ERC2: variants seen among roughly 807,000 people sequenced by gnomAD.
ERC2 encodes the protein ERC protein 2.
Under a neutral mutation model 114.8 loss-of-function variants are expected in ERC2, and 42 were observed. The ratio of observed to expected loss-of-function variants is 0.37; its 90% confidence interval spans 0.29 to 0.47. The LOEUF is 0.47. Ranked by LOEUF, ERC2 falls within the 20% of genes least tolerant of loss-of-function variation. ERC2 has a pLI of 0.99. For synonymous variants in ERC2, 454 were observed against 425.5 expected, an observed-to-expected ratio of 1.07 and a Z score of -0.82; for missense variants, 939 against 1,150.7, an observed-to-expected ratio of 0.82 and a Z score of 2.66.
chr3:55,604,510 C>T (rs548867868), intron 17 of ERC2, among the ~76,000 whole-genome samples: 21 of 151,798 alleles, frequency 1.4e-4, no homozygotes, highest in Admixed American at 1.2e-3. Context: ...ACACTACACT[C>T]AGCAGGCATG....
At chr3:55,767,921 A>G (rs1369338401) in intron 14 of ERC2, among the ~76,000 whole-genome samples, 1 of 152,292 alleles carries the variant, frequency 6.6e-6, no homozygotes, top group East Asian at 1.9e-4. Flanking sequence ...TGTACTCCCC[A>G]GTGTTGGAGG....
At chr3:55,847,887 C>T (rs2061430693) in intron 14 of ERC2, among the ~76,000 whole-genome samples, 1 of 152,104 alleles carries the variant, frequency 6.6e-6, no homozygotes, top group African/African-American at 2.4e-5. Context: ...CAGCCTTGAC[C>T]TCCTGGGCTC....
intron 4 of ERC2, 117 bp from the exon 5 acceptor site, chr3:56,149,249 T>C: frequency 2.2e-6 from 2 of 912,162 alleles, no homozygotes; most frequent in Admixed American, 5.7e-5. Context: ...AACCATGGTA[T>C]AGACAGCCCT....
At chr3:56,161,033 A>G (rs1052460856) in intron 4 of ERC2, among the ~76,000 whole-genome samples, 42 of 152,292 alleles carry the variant, frequency 2.8e-4, no homozygotes, top group African/African-American at 9.9e-4. Flanking sequence ...CGGTAATTGG[A>G]TCATGGGAAT....
At chr3:55,569,178 G>A (rs2056557350) in intron 17 of ERC2, among the ~76,000 whole-genome samples, 1 of 152,180 alleles carries the variant, frequency 6.6e-6, no homozygotes, top group African/African-American at 2.4e-5. Flanking sequence ...ATCACCCTCA[G>A]GGAGAAAGAA....
At chr3:55,900,119 G>A (rs1041966948) in intron 13 of ERC2, among the ~76,000 whole-genome samples, 7 of 152,114 alleles carry the variant, frequency 4.6e-5, no homozygotes, top group African/African-American at 1.7e-4. Flanking sequence ...GTTATAATCC[G>A]GTGGGGAGAG....
intron 17 of ERC2, among the ~76,000 whole-genome samples, chr3:55,585,320 A>T (rs972875377): frequency 1.3e-5 from 2 of 152,198 alleles, no homozygotes; most frequent in African/African-American, 4.8e-5. Context: ...TTTAGGGCTC[A>T]GGGTTTTTAT....
intron 14 of ERC2, among the ~76,000 whole-genome samples, chr3:55,833,206 C>A (rs1168301848): frequency 6.7e-6 from 1 of 150,338 alleles, no homozygotes; most frequent in African/African-American, 2.5e-5. Context: ...TCCAGGAGAA[C>A]TTCCCTAATC....
intron 2 of ERC2, among the ~76,000 whole-genome samples, chr3:56,351,875 G>T (rs1349057511): frequency 6.6e-6 from 1 of 152,196 alleles, no homozygotes; most frequent in Non-Finnish European, 1.5e-5. Context: ...CTCACAATCT[G>T]CTGGGCAATT....
intron 17 of ERC2, chr3:55,606,544 G>C (rs1247249934): frequency 1.3e-5 from 2 of 152,248 alleles, no homozygotes; most frequent in Non-Finnish European, 2.9e-5. Flanking sequence ...CCATGAGGCT[G>C]ACACAACAAT....
At chr3:55,981,848 A>C (rs1410357852) in intron 12 of ERC2, among the ~76,000 whole-genome samples, 6 of 152,174 alleles carry the variant, frequency 3.9e-5, no homozygotes, top group African/African-American at 1.4e-4. Context: ...CTCCATGGGG[A>C]CAAAGAAAAG....
chr3:56,115,029 A>G (rs1043142034), intron 6 of ERC2, among the ~76,000 whole-genome samples: 1 of 152,122 alleles, frequency 6.6e-6, no homozygotes, highest in Non-Finnish European at 1.5e-5. Context: ...GTCAAACCTA[A>G]GATTGGTGTT....
intron 5 of ERC2, among the ~76,000 whole-genome samples, chr3:56,140,146 C>G (rs2080766916): frequency 6.6e-6 from 1 of 152,018 alleles, no homozygotes; most frequent in Non-Finnish European, 1.5e-5. Flanking sequence ...CATCTTTTTG[C>G]TTACATTAAA....
chr3:56,131,744 GA>G (rs540556581), intron 6 of ERC2, among the ~76,000 whole-genome samples: 2 of 152,182 alleles, frequency 1.3e-5, no homozygotes, highest in Non-Finnish European at 2.9e-5. Flanking sequence ...ATTACAGCTA[GA>G]TAGGAGGAAT....
chr3:56,367,769 G>T (rs977917243), intron 2 of ERC2, among the ~76,000 whole-genome samples: 3 of 151,958 alleles, frequency 2.0e-5, no homozygotes, highest in Admixed American at 2.0e-4. Flanking sequence ...AATAGCAAAA[G>T]CTAATTGGAC....
At chr3:55,664,788 G>T (rs1207399933) in intron 17 of ERC2, among the ~76,000 whole-genome samples, 1 of 152,144 alleles carries the variant, frequency 6.6e-6, no homozygotes, top group African/African-American at 2.4e-5. Flanking sequence ...CTTCAAAATG[G>T]AAACAATATT....
chr3:56,259,106 G>A (rs910382404), intron 3 of ERC2, among the ~76,000 whole-genome samples: 4 of 151,450 alleles, frequency 2.6e-5, no homozygotes, highest in Admixed American at 6.6e-5. Flanking sequence ...CCTGAGTAAC[G>A]GGATTACAGG....
At chr3:55,922,604 T>C (rs1003841564) in intron 13 of ERC2, among the ~76,000 whole-genome samples, 1 of 152,114 alleles carries the variant, frequency 6.6e-6, no homozygotes, top group Non-Finnish European at 1.5e-5. Context: ...ATCTTTTTCC[T>C]CTCAGATGTT....
chr3:56,099,542 CAG>C (rs2078241577), intron 6 of ERC2, among the ~76,000 whole-genome samples: 1 of 152,140 alleles, frequency 6.6e-6, no homozygotes, highest in South Asian at 2.1e-4. Context: ...AAAGCATCCT[CAG>C]AGGATGTAAC....
Sources: gnomAD v4.1 joint callset for allele counts (sites outside exome capture counted in the v4.1 genomes callset) on GRCh38, gnomAD v4.1.1 for gene constraint, MANE v1.5 for transcripts, NCBI Gene and HGNC (gene_info 2026-07-23, HGNC 2026-07-21) for gene names.